The following XRCC2 variants were observed in gnomAD, a reference collection of about 807,000 sequenced individuals.
The protein encoded by XRCC2 is DNA repair protein XRCC2.
A neutral mutation model predicts 27.3 loss-of-function variants in XRCC2; 24 were observed. The ratio of observed to expected loss-of-function variants is 0.88; its 90% confidence interval spans 0.64 to 1.24. The LOEUF (loss-of-function observed/expected upper bound fraction) is 1.24. Among genes scored for constraint, XRCC2 ranks in the 50% most tolerant of loss-of-function variants. The pLI is 0.00. For synonymous variants in XRCC2, 106 were observed against 115.4 expected (o/e 0.92, Z 0.52); for missense variants, 321 against 325.8 (o/e 0.99, Z 0.11).
chr7:152,673,593 C>T (rs1416307875), intron 1 of XRCC2, among the ~76,000 whole-genome samples: 3 of 152,064 alleles, frequency 2.0e-5, no homozygotes, highest in Admixed American at 6.6e-5. Context: ...GCAGGCCAGG[C>T]GTGGTGGCTC....
In XRCC2 at chr7:152,673,801, G is replaced by A. The variant is rs3218391; in HGVS notation, c.39+2240C>T. ...TGAGGCAGGAGAATTGCTGGAACCC[G>A]GGAGGCAGAGGTTACAGTGAGCCAA... On this transcript the variant is annotated intron_variant, in intron 1 of 2. Coordinates refer to ENST00000359321, the MANE Select transcript of XRCC2 (RefSeq NM_005431.2). 8.7e-4 allele frequency among the ~76,000 whole-genome samples: 132 copies of A among 152,180 alleles called. 2 individuals carry two copies. The highest frequency in any genetic ancestry group is 2.6e-3 in the African/African-American group (108 of 41,532).
chr7:152,649,134 CA>C lies in XRCC2; in HGVS notation c.350del (p.Leu117TrpfsTer17), dbSNP rs764640893. 1.9e-6 allele frequency: 3 copies of C among 1,611,228 alleles called. No homozygotes were observed. The highest frequency in any genetic ancestry group is 1.7e-6 in the Non-Finnish European group (2 of 1,179,122). On this transcript the variant is annotated frameshift_variant, in exon 3 of 3. Transcript: ENST00000359321. LOFTEE classifies it high-confidence loss of function. ...IIKYCLGRFF[L>X]VYCSSSTHLL... ...AGTGGGTGCTACTACTGCAGTACAC[CA>C]AAAAAAATCTTCCCAGGCAGTATTT...
intron 2 of XRCC2, among the ~76,000 whole-genome samples, chr7:152,652,785 G>A (rs573744505): frequency 2.0e-5 from 3 of 152,294 alleles, no homozygotes; most frequent in South Asian, 2.1e-4. Flanking sequence ...GGTTTGTGAG[G>A]GTTAAGGGCC....
chr7:152,655,593 C>CAGCTA (rs2098030379), intron 2 of XRCC2, among the ~76,000 whole-genome samples: 1 of 152,114 alleles, frequency 6.6e-6, no homozygotes, highest in African/African-American at 2.4e-5. Flanking sequence ...TCTGTGGTCC[C>CAGCTA]AGCTATTCAG....
At chr7:152,675,804 C>T (rs944749924) in intron 1 of XRCC2, among the ~76,000 whole-genome samples, 1 of 152,154 alleles carries the variant, frequency 6.6e-6, no homozygotes, top group African/African-American at 2.4e-5. Context: ...ACTTCCTCCA[C>T]CTCCGCCCGG....
chr7:152,665,252 A>C (rs1041945223), intron 1 of XRCC2, among the ~76,000 whole-genome samples: 1 of 152,146 alleles, frequency 6.6e-6, no homozygotes, highest in Admixed American at 6.6e-5. Flanking sequence ...TCTTTCTTCC[A>C]AGAAGACAAG....
intron 1 of XRCC2, among the ~76,000 whole-genome samples, chr7:152,674,070 GGTTTT>G (rs1317025882): frequency 6.6e-6 from 1 of 152,038 alleles, no homozygotes; most frequent in Admixed American, 6.6e-5. Context: ...TGGCTTAACT[GGTTTT>G]GTTAATAAAA....
At chr7:152,673,108 T>A (rs3218397) in intron 1 of XRCC2, among the ~76,000 whole-genome samples, 8,476 of 152,262 alleles carry the variant, frequency 0.056, 342 homozygotes, top group South Asian at 0.11. Context: ...TTGTCTTTTT[T>A]AAATCAAGGG....
rs776336749 is a variant in XRCC2, at chr7:152,648,681, AT to A, written c.803del (p.His268LeufsTer29). 8.1e-6 allele frequency: 13 copies of A among 1,607,156 alleles called. No individual in the cohort carries two copies. The highest frequency in any genetic ancestry group is 2.7e-5 in the African/African-American group (2 of 74,492). On this transcript the variant is annotated frameshift_variant, in exon 3 of 3. Coordinates refer to ENST00000359321, the MANE Select transcript of XRCC2 (RefSeq NM_005431.2). LOFTEE classifies it high-confidence loss of function. ...RCLKSNSLKKHFFIIGESGVE... is the reference protein window; with the variant it reads ...RCLKSNSLKKXFFIIGESGVE... ...CCCCACTTTCTCCAATAATAAAAAA[AT>A]GTTTTTTTAAACTGTTACTTTTTAA...
chr7:152,652,498 AG>A (rs1319785717), intron 2 of XRCC2, among the ~76,000 whole-genome samples: 2 of 152,162 alleles, frequency 1.3e-5, no homozygotes, highest in African/African-American at 4.8e-5. Context: ...ACCTTTCTAG[AG>A]TACTGCATGC....
At chr7:152,664,373 T>G (rs1202637448) in intron 1 of XRCC2, among the ~76,000 whole-genome samples, 1 of 152,170 alleles carries the variant, frequency 6.6e-6, no homozygotes, top group East Asian at 1.9e-4. Flanking sequence ...GGGTGTGTCA[T>G]GAGGGTGTTT....
Position 152,648,706 on chromosome 7 carries a change from AAAC to A in XRCC2, c.776_778del (p.Cys259del), listed in dbSNP as rs2098027128. ...ATGTTTTTTTAAACTGTTACTTTTT[AAAC>A]AACGTGAAACTAATGAAAATTGGTT... On this transcript the variant is annotated inframe_deletion, in exon 3 of 3. Transcript: ENST00000359321. 1.9e-6 allele frequency: 3 copies of A among 1,608,452 alleles called. No homozygotes were observed. Among genetic ancestry groups the A allele is most frequent in the African/African-American group, 2.7e-5 (2 of 74,618 alleles).
chr7:152,653,875 A>C (rs1260844338), intron 2 of XRCC2, among the ~76,000 whole-genome samples: 2 of 152,160 alleles, frequency 1.3e-5, no homozygotes, highest in Non-Finnish European at 2.9e-5. Flanking sequence ...CAAAATGAAA[A>C]TGTCCTACAG....
In XRCC2 at chr7:152,676,094, G is replaced by C. The variant is rs1056607909; in HGVS notation, c.-15C>G. ...GCACTACACATCGCCCCGAAGGCTC[G>C]GCGCAGGAGAGACTCAACTTTCCCG... On this transcript the variant is annotated 5_prime_UTR_variant, in exon 1 of 3. Transcript: ENST00000359321. 5.0e-6 allele frequency: 8 copies of C among 1,613,732 alleles called. No homozygotes were observed. The highest frequency in any genetic ancestry group is 1.6e-4 in the Middle Eastern group (1 of 6,062).
At chr7:152,650,974 C>T (rs1014683275) in intron 2 of XRCC2, among the ~76,000 whole-genome samples, 6 of 152,036 alleles carry the variant, frequency 3.9e-5, no homozygotes, top group African/African-American at 1.4e-4. Flanking sequence ...GAGTCTTGTT[C>T]TGTTGCCTAG....
At chr7:152,672,349 T>C (rs1008812884) in intron 1 of XRCC2, among the ~76,000 whole-genome samples, 6 of 152,384 alleles carry the variant, frequency 3.9e-5, no homozygotes, top group Middle Eastern at 3.4e-3. Flanking sequence ...ATTTGTCTTA[T>C]GTAATATTTG....
At position 152,647,384 on chromosome 7, in the gene XRCC2, T is replaced by G. The variant is rs2098026494; in HGVS notation, c.*1258A>C. On this transcript the variant is annotated 3_prime_UTR_variant, in exon 3 of 3. Transcript: ENST00000359321. ...ACTCTCTTGATAGTTTCTTTTGCTG[T>G]GCAGCTCTTTAGTTTAATTAGATCC... 1 of 152,224 alleles carries G rather than the reference T, an allele frequency of 6.6e-6. No individual in the cohort carries two copies. Among genetic ancestry groups the G allele is most frequent in the East Asian group, 1.9e-4 (1 of 5,196 alleles). 9.4% of individuals were successfully genotyped at this position (152,224 alleles called of 1,614,324 possible).
intron 1 of XRCC2, among the ~76,000 whole-genome samples, chr7:152,667,603 T>C (rs906182868): frequency 1.4e-5 from 2 of 144,530 alleles, no homozygotes. Context: ...CAAAGCAACG[T>C]TTTACAACGT....
intron 2 of XRCC2, among the ~76,000 whole-genome samples, chr7:152,658,960 A>C (rs993903512): frequency 6.6e-6 from 1 of 152,206 alleles, no homozygotes; most frequent in African/African-American, 2.4e-5. Flanking sequence ...CCAAGATCCT[A>C]CTTTCAATTC....
Sources: allele counts gnomAD v4.1 joint callset (sites outside exome capture counted in the v4.1 genomes callset), GRCh38; gene constraint gnomAD v4.1.1; transcripts MANE v1.5; gene names NCBI Gene and HGNC (gene_info 2026-07-23, HGNC 2026-07-21).